Variants in MS4A15 observed in about 807,000 individuals in gnomAD.
MS4A15 encodes membrane spanning 4-domains A15, also known as membrane-spanning 4-domains subfamily A member 15.
Under a neutral mutation model 20.6 loss-of-function variants are expected in MS4A15, and 22 were observed. That is an observed-to-expected ratio of 1.07 (90% CI 0.76 to 1.52). The LOEUF (loss-of-function observed/expected upper bound fraction) is 1.52, where lower values mean the gene tolerates loss of function less well. Ranked by LOEUF, MS4A15 falls within the 40% of genes most tolerant of loss-of-function variation. The pLI is 0.00. For synonymous variants in MS4A15, 129 were observed against 129.3 expected (o/e 1.00, Z 0.02); for missense variants, 312 against 323.0 (o/e 0.97, Z 0.26).
chr11:60,769,781 C>G (rs1590982735), intron 3 of MS4A15, among the ~76,000 whole-genome samples: 1 of 152,190 alleles, frequency 6.6e-6, no homozygotes, highest in Non-Finnish European at 1.5e-5. Flanking sequence ...TCCACCCCAG[C>G]AGCAGGTCGC....
chr11:60,758,924 A>G (rs1317040885), intron 1 of MS4A15, among the ~76,000 whole-genome samples: 1 of 152,286 alleles, frequency 6.6e-6, no homozygotes, highest in East Asian at 1.9e-4. Flanking sequence ...CGCAACAGGC[A>G]GAGTTAGGTG....
intron 2 of MS4A15, among the ~76,000 whole-genome samples, chr11:60,765,088 C>T (rs754284943): frequency 1.3e-5 from 2 of 152,078 alleles, no homozygotes; most frequent in African/African-American, 4.8e-5. Context: ...AGAAATCTCC[C>T]GATCAGCTGC....
At chr11:60,767,717 C>A in intron 3 of MS4A15, 62 bp downstream of exon 3, 1 of 1,459,000 alleles carries the variant, frequency 6.9e-7, no homozygotes, top group Non-Finnish European at 9.1e-7. Context: ...ACCTCTCCCC[C>A]ACGCGCCCAC....
At chr11:60,764,443 A>G (rs536389278) in intron 2 of MS4A15, among the ~76,000 whole-genome samples, 45 of 152,298 alleles carry the variant, frequency 3.0e-4, no homozygotes, top group Middle Eastern at 3.4e-3. Context: ...GATGGAATGA[A>G]AGTGATAGAT....
intron 1 of MS4A15, among the ~76,000 whole-genome samples, chr11:60,761,982 C>T (rs761839154): frequency 1.3e-5 from 2 of 152,144 alleles, no homozygotes; most frequent in Admixed American, 6.5e-5. Context: ...TTTTGGCTGC[C>T]TGTAAATTTA....
At position 60,763,778 on chromosome 11, in the gene MS4A15, G is replaced by A. The variant is rs780211813; in HGVS notation, c.45G>A (p.Pro15=). The A allele has an allele frequency of 1.3e-5, 21 of 1,612,172 alleles. No homozygotes were observed. Among genetic ancestry groups the A allele is most frequent in the African/African-American group, 2.7e-5 (2 of 74,862 alleles). The part of the protein sequence containing the change: ...PASNGVFVVI[P]PNNASGLCPP... ...GCAATGGAGTGTTTGTTGTCATCCC[G>A]CCAAACAACGCCAGTGGCCTCTGCC... The change falls in exon 2 of 7, where the codon CCG becomes CCA. Residue 15 remains proline (P), a synonymous_variant. Coordinates refer to ENST00000405633, the MANE Select transcript of MS4A15 (RefSeq NM_001098835.2).
intron 2 of MS4A15, among the ~76,000 whole-genome samples, chr11:60,766,398 A>T (rs1346519641): frequency 6.6e-6 from 1 of 152,180 alleles, no homozygotes; most frequent in Non-Finnish European, 1.5e-5. Flanking sequence ...AATAATAATA[A>T]TAGTAATAAC....
intron 1 of MS4A15, among the ~76,000 whole-genome samples, chr11:60,758,539 AC>A (rs796678375): frequency 6.6e-6 from 1 of 152,210 alleles, no homozygotes; most frequent in South Asian, 2.1e-4. Flanking sequence ...TCTGACTCAA[AC>A]TTTTGCTGCA....
At chr11:60,762,685 TA>T (rs1277599363) in intron 1 of MS4A15, among the ~76,000 whole-genome samples, 2 of 152,110 alleles carry the variant, frequency 1.3e-5, no homozygotes, top group East Asian at 3.9e-4. Context: ...GAAAAAGCAA[TA>T]AAAGCTTACC....
chr11:60,775,554 A>G (rs770286062), intron 6 of MS4A15, 51 bp from the exon 7 acceptor site: 3 of 1,482,548 alleles, frequency 2.0e-6, no homozygotes, highest in African/African-American at 1.4e-5. Context: ...TTGAACCACT[A>G]CCCTGAAGCT....
chr11:60,759,389 C>T lies in MS4A15; in HGVS notation c.-29+2331C>T, dbSNP rs12797459. ...TTCTCCATTCTCTATTAACCAGGGA[C>T]ACGATGCACTGCGGAAAGCCGCAGG... On this transcript the variant is annotated intron_variant, in intron 1 of 6. Transcript: ENST00000405633. 5.3e-3 allele frequency among the ~76,000 whole-genome samples: 810 copies of T among 152,348 alleles called. 1 individual carries two copies. The highest frequency in any genetic ancestry group is 8.3e-3 in the Non-Finnish European group (568 of 68,040).
At chr11:60,770,045 C>G (rs1853992771) in intron 3 of MS4A15, among the ~76,000 whole-genome samples, 1 of 152,232 alleles carries the variant, frequency 6.6e-6, no homozygotes, top group African/African-American at 2.4e-5. Flanking sequence ...GCTCCACCCT[C>G]TCAGCTCGGC....
Position 60,773,470 on chromosome 11 carries a change from G to A in MS4A15, c.484G>A (p.Gly162Ser), listed in dbSNP as rs566525311. Residue 162 changes from glycine (G) to serine (S), a missense_variant, in exon 5 of 7, where the codon GGT becomes AGT. By Grantham distance (56) the Gly-to-Ser change is moderately conservative. Coordinates refer to ENST00000405633, the MANE Select transcript of MS4A15 (RefSeq NM_001098835.2). ...AGTAILLMDF[G>S]VTNRDVDRGY... ...GACAGCCATTCTGCTCATGGATTTT[G>A]GTGTTACCAACCGGGTGCGTTGTCA... The A allele has an allele frequency of 9.9e-6, 16 of 1,613,970 alleles. No individual in the cohort carries two copies. In the East Asian group the frequency reaches 3.6e-4, roughly 36 times the overall value.
intron 2 of MS4A15, among the ~76,000 whole-genome samples, chr11:60,764,459 T>C (rs1348047724): frequency 1.3e-5 from 2 of 152,120 alleles, no homozygotes. Flanking sequence ...TAGATGAAAG[T>C]CAGCCCTGAT....
intron 6 of MS4A15, among the ~76,000 whole-genome samples, chr11:60,774,668 A>C (rs1854138350): frequency 1.3e-5 from 2 of 152,178 alleles, no homozygotes; most frequent in Admixed American, 6.5e-5. Context: ...GATGGAAATT[A>C]AGCTTTGATT....
Position 60,775,732 on chromosome 11 carries a change from C to A in MS4A15, c.*17C>A. On this transcript the variant is annotated 3_prime_UTR_variant, in exon 7 of 7. Coordinates refer to ENST00000405633, the MANE Select transcript of MS4A15 (RefSeq NM_001098835.2). Reference sequence around the variant, plus strand: ...GTCGTCTGAGTAGCAGATGTGGCACCTGCGGGTGGAGTCCAGCCTTTTCCC... The same window carrying A: ...GTCGTCTGAGTAGCAGATGTGGCACATGCGGGTGGAGTCCAGCCTTTTCCC... 1 of 1,601,618 alleles carries A rather than the reference C, an allele frequency of 6.2e-7. No individual in the cohort carries two copies. Among genetic ancestry groups the A allele is most frequent in the Admixed American group, 1.7e-5 (1 of 59,722 alleles).
At chr11:60,764,819 G>T (rs1048572808) in intron 2 of MS4A15, among the ~76,000 whole-genome samples, 1 of 152,136 alleles carries the variant, frequency 6.6e-6, no homozygotes, top group African/African-American at 2.4e-5. Flanking sequence ...TGAGGCAGGA[G>T]AATTGCTTGA....
intron 1 of MS4A15, among the ~76,000 whole-genome samples, chr11:60,760,777 G>T (rs1049573652): frequency 1.3e-5 from 2 of 152,146 alleles, no homozygotes; most frequent in Non-Finnish European, 2.9e-5. Flanking sequence ...GGAATATCGG[G>T]CCCTCTTCTC....
intron 1 of MS4A15, among the ~76,000 whole-genome samples, chr11:60,759,518 C>T (rs927319011): frequency 1.3e-5 from 2 of 152,160 alleles, no homozygotes; most frequent in Non-Finnish European, 2.9e-5. Flanking sequence ...ATCCCCTAGC[C>T]CGACACCCGT....
Sources: gnomAD v4.1 joint callset for allele counts (sites outside exome capture counted in the v4.1 genomes callset) on GRCh38, gnomAD v4.1.1 for gene constraint, MANE v1.5 for transcripts, NCBI Gene and HGNC (gene_info 2026-07-23, HGNC 2026-07-21) for gene names.